Variants in SDC2 observed in about 807,000 individuals in gnomAD.
SDC2 encodes the protein syndecan-2.
In SDC2, 13 loss-of-function variants were observed where a neutral mutation model predicts 22.2. That is an observed-to-expected ratio of 0.59 (90% CI 0.38 to 0.93). The LOEUF (loss-of-function observed/expected upper bound fraction) is 0.93. SDC2 is among the 40% of genes least tolerant of loss of function. SDC2 has a pLI of 0.00. For synonymous variants in SDC2, 94 were observed against 92.8 expected, an observed-to-expected ratio of 1.01 and a Z score of -0.07; for missense variants, 235 against 246.8, an observed-to-expected ratio of 0.95 and a Z score of 0.32.
chr8:96,560,224 C>G (rs1321237241), intron 1 of SDC2, among the ~76,000 whole-genome samples: 2 of 152,106 alleles, frequency 1.3e-5, no homozygotes, highest in Non-Finnish European at 2.9e-5. Flanking sequence ...TCTTTCTAAA[C>G]TAGTATTTTA....
At chr8:96,581,193 A>G (rs1480733774) in intron 1 of SDC2, among the ~76,000 whole-genome samples, 3 of 152,238 alleles carry the variant, frequency 2.0e-5, no homozygotes, top group Non-Finnish European at 4.4e-5. Flanking sequence ...GGGGCAAAAA[A>G]TAATAATATG....
intron 1 of SDC2, among the ~76,000 whole-genome samples, chr8:96,528,631 T>C (rs1220994544): frequency 6.6e-6 from 1 of 152,238 alleles, no homozygotes; most frequent in African/African-American, 2.4e-5. Flanking sequence ...TTTCTAATTT[T>C]AGTTTCATAA....
intron 1 of SDC2, among the ~76,000 whole-genome samples, chr8:96,571,276 A>G (rs544548981): frequency 1.3e-5 from 2 of 152,130 alleles, no homozygotes; most frequent in Non-Finnish European, 2.9e-5. Context: ...CTGACCACAC[A>G]AAAGGCTTGA....
At position 96,611,410 on chromosome 8, in the gene SDC2, A is replaced by T. The variant is rs1247531734; in HGVS notation, c.*1862A>T. 1 of 152,676 alleles carries T rather than the reference A, an allele frequency of 6.5e-6. No homozygotes were observed. The highest frequency in any genetic ancestry group is 1.5e-5 in the Non-Finnish European group (1 of 68,036). 9.5% of individuals were successfully genotyped at this position (152,676 alleles called of 1,614,324 possible). On this transcript the variant is annotated 3_prime_UTR_variant, in exon 5 of 5. Coordinates refer to ENST00000302190, the MANE Select transcript of SDC2 (RefSeq NM_002998.4). ...TTTGAGAACATTCCCTGGAATTGCC[A>T]CATAATTCATTAAAAACATTTTTTT...
rs1370104868 is a variant in SDC2 at position 96,611,396 on chromosome 8, T to G, written c.*1848T>G. The G allele has an allele frequency of 2.0e-5, 3 of 152,762 alleles. No homozygotes were observed. The highest frequency in any genetic ancestry group is 2.0e-4 in the Admixed American group (3 of 15,298). The allele number at this position is 152,762 out of a possible 1,614,324, so 9.5% of individuals were successfully genotyped here. Reference sequence around the variant, plus strand: ...TATGAATATTTCATTTTGAGAACATTCCCTGGAATTGCCACATAATTCATT... The same window carrying G: ...TATGAATATTTCATTTTGAGAACATGCCCTGGAATTGCCACATAATTCATT... On this transcript the variant is annotated 3_prime_UTR_variant, in exon 5 of 5. Coordinates refer to ENST00000302190, the MANE Select transcript of SDC2 (RefSeq NM_002998.4).
chr8:96,598,768 G>A (rs1199222039), intron 2 of SDC2, among the ~76,000 whole-genome samples: 2 of 152,018 alleles, frequency 1.3e-5, no homozygotes, highest in African/African-American at 4.8e-5. Context: ...GTTTCCCAGA[G>A]GGAAACAGGC....
chr8:96,556,565 A>G (rs1314222768), intron 1 of SDC2, among the ~76,000 whole-genome samples: 1 of 152,026 alleles, frequency 6.6e-6, no homozygotes, highest in Non-Finnish European at 1.5e-5. Flanking sequence ...AAAACTGGCT[A>G]GCCATATGTA....
intron 1 of SDC2, among the ~76,000 whole-genome samples, chr8:96,537,987 G>A (rs999078493): frequency 3.9e-5 from 6 of 152,080 alleles, no homozygotes; most frequent in East Asian, 1.9e-4. Context: ...TTTTTGAGAC[G>A]GAGTCTCGCT....
intron 1 of SDC2, among the ~76,000 whole-genome samples, chr8:96,517,136 A>G (rs574476058): frequency 3.3e-5 from 5 of 152,066 alleles, no homozygotes; most frequent in Admixed American, 6.5e-5. Context: ...TACAATCCCT[A>G]TTGGGTATGA....
In SDC2 at chr8:96,580,434, C is replaced by T. The variant is rs981666048; in HGVS notation, c.61-13046C>T. 5 of 985,280 alleles carry T rather than the reference C, an allele frequency of 5.1e-6. No individual in the cohort carries two copies. In the African/African-American group the frequency reaches 8.7e-5, roughly 17 times the overall value. The allele number at this position is 985,280 out of a possible 1,614,324, so 61.0% of individuals were successfully genotyped here. A position where few individuals can be genotyped will look rare whatever the true frequency, so the allele number is the denominator to read the frequency against. On this transcript the variant is annotated intron_variant, in intron 1 of 4. Transcript: ENST00000302190. ...GATAGCTCCCAAGCCTCCATATCCT[C>T]AGCTGTTGCTTGTTGCCACTGAGGG...
At chr8:96,521,919 G>A (rs1813503627) in intron 1 of SDC2, among the ~76,000 whole-genome samples, 1 of 152,154 alleles carries the variant, frequency 6.6e-6, no homozygotes, top group South Asian at 2.1e-4. Flanking sequence ...AGAAAAATCA[G>A]GATGGCCTAA....
intron 1 of SDC2, among the ~76,000 whole-genome samples, chr8:96,553,696 TTTA>T (rs1406854473): frequency 2.5e-4 from 38 of 152,184 alleles, no homozygotes; most frequent in South Asian, 4.1e-4. Context: ...TTCTTTATGC[TTTA>T]TTACTTTGCT....
intron 2 of SDC2, among the ~76,000 whole-genome samples, chr8:96,596,560 G>A (rs376278588): frequency 1.3e-5 from 2 of 152,198 alleles, no homozygotes; most frequent in South Asian, 4.1e-4. Flanking sequence ...GTCTGTAGGG[G>A]ACCAAGAGTC....
intron 3 of SDC2, among the ~76,000 whole-genome samples, chr8:96,607,957 G>A (rs190329344): frequency 2.0e-4 from 31 of 152,300 alleles, no homozygotes; most frequent in Admixed American, 5.2e-4. Context: ...AAGTGAAGGA[G>A]CAGGGAGAAT....
At chr8:96,536,929 G>T (rs1205561313) in intron 1 of SDC2, among the ~76,000 whole-genome samples, 1 of 152,184 alleles carries the variant, frequency 6.6e-6, no homozygotes, top group Admixed American at 6.5e-5. Context: ...TCAGACTTCA[G>T]GTCCCCCATT....
At chr8:96,499,420 A>G (rs1027968302) in intron 1 of SDC2, among the ~76,000 whole-genome samples, 2 of 152,212 alleles carry the variant, frequency 1.3e-5, no homozygotes, top group African/African-American at 4.8e-5. Context: ...AATCAGACTA[A>G]TTTGGGAATC....
chr8:96,571,022 G>A lies in SDC2; in HGVS notation c.61-22458G>A, dbSNP rs140884985. Among the ~76,000 whole-genome samples, 35 of 152,246 alleles carry A rather than the reference G, an allele frequency of 2.3e-4. No individual in the cohort carries two copies. In the East Asian group the frequency reaches 4.2e-3, roughly 18 times the overall value. On this transcript the variant is annotated intron_variant, in intron 1 of 4. Transcript: ENST00000302190. ...CAACGGTGTGACGATACTGAATGCCGCTGAACTATACACTTGAAACTAGTT... is the reference window on the plus strand; with the variant it reads ...CAACGGTGTGACGATACTGAATGCCACTGAACTATACACTTGAAACTAGTT...
intron 1 of SDC2, among the ~76,000 whole-genome samples, chr8:96,584,425 T>C (rs1814646807): frequency 6.6e-6 from 1 of 152,242 alleles, no homozygotes; most frequent in African/African-American, 2.4e-5. Context: ...AAGTGAATTA[T>C]TAAATCTAAA....
chr8:96,533,101 G>A (rs1443924623), intron 1 of SDC2, among the ~76,000 whole-genome samples: 1 of 152,152 alleles, frequency 6.6e-6, no homozygotes, highest in Non-Finnish European at 1.5e-5. Flanking sequence ...TGGTCTCGCT[G>A]GCTTCAGGAG....
Sources: gnomAD v4.1 joint callset for allele counts (sites outside exome capture counted in the v4.1 genomes callset) on GRCh38, gnomAD v4.1.1 for gene constraint, MANE v1.5 for transcripts, NCBI Gene and HGNC (gene_info 2026-07-23, HGNC 2026-07-21) for gene names.